Variants in PLXNA2 observed in about 807,000 individuals in gnomAD.
PLXNA2 encodes plexin A2.
A neutral mutation model predicts 193.5 loss-of-function variants in PLXNA2; 91 were observed. The ratio of observed to expected loss-of-function variants is 0.47; its 90% CI spans 0.40 to 0.56. The LOEUF is 0.56. PLXNA2 is among the 20% of genes least tolerant of loss of function. The probability of loss-of-function intolerance (pLI) is 0.00; values close to 1 mark genes in which losing one functional copy is unlikely to be tolerated. For synonymous variants in PLXNA2, 997 were observed against 1,027.3 expected, an observed-to-expected ratio of 0.97 and a Z score of 0.56; for missense variants, 1,995 against 2,503.2, an observed-to-expected ratio of 0.80 and a Z score of 4.33.
rs181080264 is a variant in PLXNA2 at position 208,028,238 on chromosome 1, G to A, written c.5439-79C>T. 8 of 1,378,692 alleles carry A rather than the reference G, an allele frequency of 5.8e-6. No homozygotes were observed. Among genetic ancestry groups the A allele is most frequent in the East Asian group, 2.5e-5 (1 of 40,630 alleles). The allele number at this position is 1,378,692 out of a possible 1,614,324, so 85.4% of individuals were successfully genotyped here. A position where few individuals can be genotyped will look rare whatever the true frequency, so the allele number is the denominator to read the frequency against. ...TAGCTACCCCGGGCCCAGGTCCTTC[G>A]AGGGCACTGATGTACCCAGTTGCTC... On this transcript the variant is annotated intron_variant, in intron 30 of 31. Coordinates refer to ENST00000367033, the MANE Select transcript of PLXNA2 (RefSeq NM_025179.4). This position sits in a 1 kb window ranked among gnomAD's most constrained non-coding sequence, Gnocchi z 4.2.
At chr1:208,222,923 A>T (rs922380786) in intron 1 of PLXNA2, among the ~76,000 whole-genome samples, 1 of 151,910 alleles carries the variant, frequency 6.6e-6, no homozygotes, top group African/African-American at 2.4e-5. Context: ...CATCATCGTC[A>T]CCTCCAGCAC....
intron 3 of PLXNA2, among the ~76,000 whole-genome samples, chr1:208,158,619 A>AC (rs1206990851): frequency 1.3e-5 from 2 of 151,826 alleles, no homozygotes; most frequent in Non-Finnish European, 2.9e-5. Flanking sequence ...TAAAAGGAAC[A>AC]CCCCCCAACT....
intron 3 of PLXNA2, among the ~76,000 whole-genome samples, chr1:208,163,347 T>C (rs573124069): frequency 1.3e-5 from 2 of 152,176 alleles, no homozygotes; most frequent in African/African-American, 4.8e-5. Context: ...CCAGCACAAG[T>C]TCAAGAATAG....
At chr1:208,075,702 T>C (rs1288933587) in intron 12 of PLXNA2, among the ~76,000 whole-genome samples, 1 of 152,192 alleles carries the variant, frequency 6.6e-6, no homozygotes, top group African/African-American at 2.4e-5. Context: ...CCGTAATTAC[T>C]TCTACATTTT....
intron 12 of PLXNA2, among the ~76,000 whole-genome samples, chr1:208,070,056 C>G (rs541003459): frequency 1.3e-5 from 2 of 152,170 alleles, no homozygotes; most frequent in Non-Finnish European, 1.5e-5. Context: ...TTTATCTAAC[C>G]GCTGCTTTTT....
At chr1:208,184,616 T>C (rs1024438506) in intron 3 of PLXNA2, among the ~76,000 whole-genome samples, 2 of 152,012 alleles carry the variant, frequency 1.3e-5, no homozygotes, top group African/African-American at 4.8e-5. Context: ...GTTGACATGA[T>C]GGAGATGGAA....
intron 4 of PLXNA2, among the ~76,000 whole-genome samples, chr1:208,140,400 T>C (rs1668425367): frequency 6.6e-6 from 1 of 152,204 alleles, no homozygotes; most frequent in Non-Finnish European, 1.5e-5. Flanking sequence ...TAAGGTCTCA[T>C]TGGTCACTTC....
intron 9 of PLXNA2, among the ~76,000 whole-genome samples, chr1:208,087,284 TA>T (rs1412092951): frequency 1.3e-5 from 2 of 152,116 alleles, no homozygotes; most frequent in Admixed American, 1.3e-4. Flanking sequence ...ATATAACACA[TA>T]TGTTATCTAT....
chr1:208,074,713 AGGAC>A (rs973587828), intron 12 of PLXNA2, among the ~76,000 whole-genome samples: 4 of 152,310 alleles, frequency 2.6e-5, no homozygotes, highest in African/African-American at 7.2e-5. Context: ...TGTCCCAGGA[AGGAC>A]AGCATCCATT....
intron 13 of PLXNA2, among the ~76,000 whole-genome samples, chr1:208,055,767 CA>C (rs1665410961): frequency 6.6e-6 from 1 of 152,200 alleles, no homozygotes; most frequent in African/African-American, 2.4e-5. Context: ...TTGCATTAAA[CA>C]AATACGCTGC....
chr1:208,180,751 G>A (rs936190184), intron 3 of PLXNA2, among the ~76,000 whole-genome samples: 9 of 152,250 alleles, frequency 5.9e-5, no homozygotes, highest in Non-Finnish European at 8.8e-5. Context: ...TTTGTCTGAA[G>A]TTGTTGCCCC....
chr1:208,140,091 C>T (rs1267926660), intron 4 of PLXNA2, among the ~76,000 whole-genome samples: 11 of 152,072 alleles, frequency 7.2e-5, no homozygotes, highest in African/African-American at 2.7e-4. Flanking sequence ...ACTGCTAAAC[C>T]CCTCTGTTTG....
chr1:208,168,127 T>G (rs971543674), intron 3 of PLXNA2, among the ~76,000 whole-genome samples: 5 of 151,816 alleles, frequency 3.3e-5, no homozygotes, highest in Non-Finnish European at 7.4e-5. Context: ...TCTACTTATG[T>G]GGAAAGTAGG....
Position 208,142,472 on chromosome 1 carries a change from G to A in PLXNA2, c.1372-9C>T. 1 of 1,597,896 alleles carries A rather than the reference G, an allele frequency of 6.3e-7. No homozygotes were observed. The highest frequency in any genetic ancestry group is 8.5e-7 in the Non-Finnish European group (1 of 1,172,984). On this transcript the variant is annotated splice_polypyrimidine_tract_variant and intron_variant, in intron 3 of 31. Coordinates refer to ENST00000367033, the MANE Select transcript of PLXNA2 (RefSeq NM_025179.4). ...GGACCGTCGGCCCGAATCTGTATGA[G>A]AAACAAGGGTGTCCTCAGCATCTGC...
Position 208,079,137 on chromosome 1 carries a change from C to G in PLXNA2, c.2586+123G>C, listed in dbSNP as rs966060709. On this transcript the variant is annotated intron_variant, in intron 12 of 31. Transcript: ENST00000367033. ...ACACGCGAGAGGTTTCCTACACCCCCCCACATTAAACTCACTGTACGCCAA... is the reference window on the plus strand; with the variant it reads ...ACACGCGAGAGGTTTCCTACACCCCGCCACATTAAACTCACTGTACGCCAA... 16 of 794,992 alleles carry G rather than the reference C, an allele frequency of 2.0e-5. No individual in the cohort carries two copies. The East Asian group carries it at 3.4e-4, about 17-fold the overall frequency. The allele number at this position is 794,992 out of a possible 1,614,324, so 49.2% of individuals were successfully genotyped here. A position where few individuals can be genotyped will look rare whatever the true frequency, so the allele number is the denominator to read the frequency against.
In PLXNA2 at chr1:208,024,254, C is replaced by A. The variant is rs1664274165; in HGVS notation, c.*2989G>T. On this transcript the variant is annotated 3_prime_UTR_variant, in exon 32 of 32. Transcript: ENST00000367033. ...GTGGAGAGGAGCTGTGGCTTTAACA[C>A]TTCATCCTTACCCAAGGTCAAAATA... 6.6e-6 allele frequency: 1 copy of A among 152,182 alleles called. No individual in the cohort carries two copies. The highest frequency in any genetic ancestry group is 2.4e-5 in the African/African-American group (1 of 41,456). 9.4% of individuals were successfully genotyped at this position (152,182 alleles called of 1,614,324 possible).
chr1:208,072,302 A>T (rs1666001505), intron 12 of PLXNA2, among the ~76,000 whole-genome samples: 1 of 152,100 alleles, frequency 6.6e-6, no homozygotes, highest in Non-Finnish European at 1.5e-5. Context: ...TTAAACTAAC[A>T]CCCCCACTGC....
chr1:208,150,051 C>A (rs1230342929), intron 3 of PLXNA2, among the ~76,000 whole-genome samples: 4 of 152,124 alleles, frequency 2.6e-5, no homozygotes, highest in Admixed American at 1.3e-4. Flanking sequence ...GACGCAGGAG[C>A]CTGGAAAACT....
intron 3 of PLXNA2, among the ~76,000 whole-genome samples, chr1:208,155,587 G>C (rs922802620): frequency 3.3e-5 from 5 of 152,320 alleles, no homozygotes; most frequent in Admixed American, 3.3e-4. Flanking sequence ...TTGGCAGTAA[G>C]TTGGAAAGTA....
Sources: allele counts gnomAD v4.1 joint callset (sites outside exome capture counted in the v4.1 genomes callset), GRCh38; gene constraint gnomAD v4.1.1; non-coding constraint Gnocchi (gnomAD v3.1); transcripts MANE v1.5; gene names NCBI Gene and HGNC (gene_info 2026-07-23, HGNC 2026-07-21).